Variants in CPNE5 observed in about 807,000 individuals in gnomAD.
The protein encoded by CPNE5 is copine 5.
A neutral mutation model predicts 81.1 loss-of-function variants in CPNE5; 42 were observed. The observed-to-expected ratio is 0.52, with a 90% CI of 0.40 to 0.67. The LOEUF (loss-of-function observed/expected upper bound fraction) is 0.67. Ranked by LOEUF, CPNE5 falls within the 30% of genes least tolerant of loss-of-function variation. The pLI, the probability that CPNE5 is intolerant of heterozygous loss-of-function variation, is 0.00. For missense variants in CPNE5, 612 were observed against 815.5 expected (o/e 0.75, Z 3.04); for synonymous variants, 313 against 321.5 (o/e 0.97, Z 0.28).
At chr6:36,812,267 C>G (rs1771173933) in intron 3 of CPNE5, among the ~76,000 whole-genome samples, 1 of 152,164 alleles carries the variant, frequency 6.6e-6, no homozygotes, top group African/African-American at 2.4e-5. Flanking sequence ...GCTTCCTCAT[C>G]TGGGTGTGGT....
intron 1 of CPNE5, among the ~76,000 whole-genome samples, chr6:36,834,878 A>C (rs1583063936): frequency 6.8e-6 from 1 of 146,638 alleles, no homozygotes. Flanking sequence ...CCCCCAAACC[A>C]CCCTCTCCCT....
chr6:36,746,330 C>G lies in CPNE5; in HGVS notation c.1200+66G>C, dbSNP rs114256277. ...GCTCAGAGGAAGGGAAACGTCCCCC[C>G]ACCCCCAGCTTGTCACCTCACCCCC... On this transcript the variant is annotated intron_variant, in intron 16 of 20. Coordinates refer to ENST00000244751, the MANE Select transcript of CPNE5 (RefSeq NM_020939.2). The surrounding 1 kb of genome is among the most constrained non-coding windows in gnomAD (Gnocchi z 4.5). 2.4e-5 allele frequency: 34 copies of G among 1,408,868 alleles called. 1 individual carries two copies. Among genetic ancestry groups the G allele is most frequent in the African/African-American group, 4.4e-5 (3 of 67,426 alleles). The allele number at this position is 1,408,868 out of a possible 1,614,324, so 87.3% of individuals were successfully genotyped here.
chr6:36,824,531 C>T (rs550617916), intron 1 of CPNE5, among the ~76,000 whole-genome samples: 3 of 152,346 alleles, frequency 2.0e-5, no homozygotes, highest in African/African-American at 7.2e-5. Flanking sequence ...CCCAAAGGAT[C>T]TTGTCACCTT....
chr6:36,797,894 G>A (rs544373323), intron 6 of CPNE5, among the ~76,000 whole-genome samples: 18 of 152,212 alleles, frequency 1.2e-4, no homozygotes, highest in Admixed American at 3.3e-4. Context: ...ACTATGATAG[G>A]GGTCAGGGTG....
At chr6:36,779,059 G>C (rs1221883174) in intron 8 of CPNE5, 102 bp from the exon 9 acceptor site, 17 of 765,410 alleles carry the variant, frequency 2.2e-5, no homozygotes, top group South Asian at 6.3e-5. Context: ...GCCCTGGTTG[G>C]AATGCACCGA....
intron 14 of CPNE5, among the ~76,000 whole-genome samples, chr6:36,750,254 A>T (rs1764660791): frequency 6.6e-6 from 1 of 152,226 alleles, no homozygotes; most frequent in Admixed American, 6.5e-5. Flanking sequence ...CCACAGCTCT[A>T]TCAGCCCAAG....
rs141426154 is a variant in CPNE5, at chr6:36,769,718, G to A, written c.738-4342C>T. Among the ~76,000 whole-genome samples, 455 of 152,300 alleles carry A rather than the reference G, an allele frequency of 3.0e-3. 6 individuals are homozygous for A. Among genetic ancestry groups the A allele is most frequent in the African/African-American group, 0.01 (435 of 41,550 alleles). ...GCGCAACACCGGGCAGTGCCGCGGT[G>A]ACCGTGCCTCCCGTCTGAGCCTCAG... is the stretch of plus-strand genomic sequence containing the variant. On this transcript the variant is annotated intron_variant, in intron 10 of 20. Transcript: ENST00000244751.
At chr6:36,771,318 A>T (rs1403483739) in intron 10 of CPNE5, among the ~76,000 whole-genome samples, 4 of 152,316 alleles carry the variant, frequency 2.6e-5, no homozygotes, top group Middle Eastern at 3.4e-3. Flanking sequence ...ATCTAGAGCC[A>T]GGCTGCCGGG....
chr6:36,808,793 A>G (rs564739534), intron 3 of CPNE5, among the ~76,000 whole-genome samples: 2 of 152,338 alleles, frequency 1.3e-5, no homozygotes. Flanking sequence ...TTTAAGCTTC[A>G]TAACAACCTT....
intron 10 of CPNE5, among the ~76,000 whole-genome samples, chr6:36,774,324 A>C (rs931274474): frequency 2.0e-5 from 3 of 152,050 alleles, no homozygotes; most frequent in Non-Finnish European, 4.4e-5. Flanking sequence ...TCCAGGCTGC[A>C]GTGAGCTGTG....
intron 10 of CPNE5, among the ~76,000 whole-genome samples, chr6:36,774,760 C>T (rs933433654): frequency 1.5e-5 from 2 of 134,632 alleles, no homozygotes; most frequent in African/African-American, 5.3e-5. Context: ...AAGAGGCAGA[C>T]ATTGCCGGGT....
intron 7 of CPNE5, among the ~76,000 whole-genome samples, chr6:36,793,728 C>T (rs150785720): frequency 7.5e-4 from 114 of 152,298 alleles, no homozygotes; most frequent in South Asian, 1.2e-3. Context: ...TGAGCATCCC[C>T]GGGCCCGCCG....
Position 36,800,070 on chromosome 6 carries a change from A to C in CPNE5, c.184T>G (p.Phe62Val), listed in dbSNP as rs1438734427. The change falls in exon 4 of 21, where the codon TTT becomes GTT. Residue 62 changes from phenylalanine to valine, a missense_variant and splice_region_variant. Coordinates refer to ENST00000244751, the MANE Select transcript of CPNE5 (RefSeq NM_020939.2). ...TTGTCGATGACTTCGGTGCGCCCAA[A>C]CTGCAAGAGAAGATGGAGGGTGAAC... ...QGMENKQWRE[F>V]GRTEVIDNTL... is the part of the protein sequence containing the mutation. 1.2e-6 allele frequency: 2 copies of C among 1,610,292 alleles called. No homozygotes were observed. The highest frequency in any genetic ancestry group is 2.7e-5 in the African/African-American group (2 of 74,880).
At chr6:36,779,191 C>T (rs983158398) in intron 8 of CPNE5, among the ~76,000 whole-genome samples, 1 of 152,220 alleles carries the variant, frequency 6.6e-6, no homozygotes, top group African/African-American at 2.4e-5. Flanking sequence ...CTGCCACTTC[C>T]TCTGTGTGAA....
intron 3 of CPNE5, 114 bp downstream of exon 3, chr6:36,822,000 C>T (rs1017066747): frequency 5.4e-6 from 5 of 929,232 alleles, no homozygotes; most frequent in East Asian, 5.7e-5. Context: ...TAGCCTTCAG[C>T]GGGGCTTGGA....
Position 36,822,996 on chromosome 6 carries a change from G to T in CPNE5, c.136+62C>A, listed in dbSNP as rs888988758. The T allele has an allele frequency of 2.2e-5, 31 of 1,390,966 alleles. No homozygotes were observed. In the African/African-American group the frequency reaches 3.3e-4, roughly 15 times the overall value. 86.2% of individuals were successfully genotyped at this position (1,390,966 alleles called of 1,614,324 possible). On this transcript the variant is annotated intron_variant, in intron 2 of 20. Transcript: ENST00000244751. ...GCTCAGTAAGGGCTCAAGCATTGCC[G>T]CTGTAATTAGTCATAGCGTTGCCGC...
At chr6:36,787,586 T>C (rs768320100) in intron 8 of CPNE5, among the ~76,000 whole-genome samples, 10 of 152,208 alleles carry the variant, frequency 6.6e-5, no homozygotes, top group Non-Finnish European at 1.2e-4. Context: ...TGAGGACCAC[T>C]GCTCTCATGT....
intron 9 of CPNE5, 137 bp downstream of exon 9, chr6:36,778,716 AC>A (rs1368463564): frequency 4.6e-6 from 3 of 657,006 alleles, no homozygotes; most frequent in Non-Finnish European, 8.2e-6. Context: ...CCGGACTTCC[AC>A]CCAGAGCCCT....
intron 14 of CPNE5, among the ~76,000 whole-genome samples, chr6:36,752,265 TG>T (rs1204602451): frequency 3.3e-5 from 5 of 152,142 alleles, no homozygotes; most frequent in African/African-American, 1.2e-4. Context: ...CGCCCTGACC[TG>T]GCACCTGTCC....
Sources: gnomAD v4.1 joint callset for allele counts (sites outside exome capture counted in the v4.1 genomes callset) on GRCh38, gnomAD v4.1.1 for gene constraint, Gnocchi (gnomAD v3.1) non-coding constraint, MANE v1.5 for transcripts, NCBI Gene and HGNC (gene_info 2026-07-23, HGNC 2026-07-21) for gene names.